Variants in FERMT2 observed in about 807,000 individuals in gnomAD.
FERMT2 encodes fermitin family homolog 2.
In FERMT2, 15 loss-of-function variants were observed where a neutral mutation model predicts 82.7. That is an observed-to-expected ratio of 0.18 (90% CI 0.12 to 0.28). FERMT2 has a LOEUF of 0.28. FERMT2 is among the 10% of genes least tolerant of loss of function. The pLI is 1.00. For synonymous variants in FERMT2, 274 were observed against 271.5 expected, an observed-to-expected ratio of 1.01 and a Z score of -0.09; for missense variants, 645 against 809.4, an observed-to-expected ratio of 0.80 and a Z score of 2.46.
At chr14:52,949,375 G>A (rs1249104450) in intron 2 of FERMT2, among the ~76,000 whole-genome samples, 3 of 124,418 alleles carry the variant, frequency 2.4e-5, no homozygotes, top group Non-Finnish European at 5.0e-5. Context: ...CGAATGCTGT[G>A]TTTAAAAAAA....
At chr14:52,866,609 T>C (rs1885295793) in intron 10 of FERMT2, among the ~76,000 whole-genome samples, 1 of 152,226 alleles carries the variant, frequency 6.6e-6, no homozygotes, top group Non-Finnish European at 1.5e-5. Flanking sequence ...AAGGTTTCAC[T>C]ACAGATTCAT....
intron 6 of FERMT2, among the ~76,000 whole-genome samples, chr14:52,880,047 G>C (rs1477230484): frequency 6.6e-6 from 1 of 152,130 alleles, no homozygotes; most frequent in Non-Finnish European, 1.5e-5. Context: ...GATGGCTTCA[G>C]CCCAGGAGTT....
Position 52,911,479 on chromosome 14 carries a change from G to A in FERMT2, c.391+7644C>T, listed in dbSNP as rs553437421. ...ATCCTGGCTAACATGGTGAAAACCCGTCTCTACTAAATAAACAAAAAATTA... is the reference window on the plus strand; with the variant it reads ...ATCCTGGCTAACATGGTGAAAACCCATCTCTACTAAATAAACAAAAAATTA... On this transcript the variant is annotated intron_variant, in intron 3 of 14. Transcript: ENST00000341590. Among the ~76,000 whole-genome samples the A allele has an allele frequency of 7.9e-5, 12 of 151,930 alleles. No individual in the cohort carries two copies. The South Asian group carries it at 1.5e-3, about 18-fold the overall frequency.
chr14:52,870,905 A>C (rs1460994401), intron 10 of FERMT2, among the ~76,000 whole-genome samples: 3 of 152,220 alleles, frequency 2.0e-5, no homozygotes, highest in African/African-American at 4.8e-5. Context: ...TTTTTGTGAA[A>C]TCAGTCTGGA....
intron 3 of FERMT2, among the ~76,000 whole-genome samples, chr14:52,910,256 T>C (rs763094263): frequency 3.3e-5 from 5 of 152,174 alleles, no homozygotes; most frequent in Admixed American, 6.5e-5. Context: ...CCCTATCAAA[T>C]AGATTCTTCT....
chr14:52,893,167 A>G, intron 4 of FERMT2, 126 bp downstream of exon 4: 2 of 784,420 alleles, frequency 2.5e-6, no homozygotes, highest in South Asian at 2.7e-5. Context: ...TGGCTAATTG[A>G]AGTTTTTGTT....
chr14:52,947,177 C>T (rs1890394895), intron 2 of FERMT2, among the ~76,000 whole-genome samples: 2 of 152,138 alleles, frequency 1.3e-5, no homozygotes, highest in Admixed American at 1.3e-4. Context: ...GTGTTTTATA[C>T]TGAGATTTAA....
chr14:52,858,206 G>A lies in FERMT2; in HGVS notation c.*171C>T, dbSNP rs973002292. On this transcript the variant is annotated 3_prime_UTR_variant, in exon 15 of 15. Transcript: ENST00000341590. ...AAGTTTATTATATCATAACATGATA[G>A]ATTAATAGTCGTGCTTGTTTAGTGC... is the stretch of plus-strand genomic sequence containing the variant. The A allele has an allele frequency of 1.7e-6, 1 of 587,846 alleles. No individual in the cohort carries two copies. The highest frequency in any genetic ancestry group is 3.0e-6 in the Non-Finnish European group (1 of 331,854). 36.4% of individuals were successfully genotyped at this position (587,846 alleles called of 1,614,324 possible).
rs1472676726 is a variant in FERMT2, at chr14:52,857,713, T to C, written c.*664A>G. 1.3e-5 allele frequency: 2 copies of C among 152,516 alleles called. No homozygotes were observed. Among genetic ancestry groups the C allele is most frequent in the East Asian group, 1.9e-4 (1 of 5,200 alleles). The allele number at this position is 152,516 out of a possible 1,614,324, so 9.4% of individuals were successfully genotyped here. On this transcript the variant is annotated 3_prime_UTR_variant, in exon 15 of 15. Transcript: ENST00000341590. ...TTACTTCATATTGTAATGCAAAGAG[T>C]TGCATATTTTAGGCAGACAGTGATT...
At chr14:52,902,887 A>AAAAAAAAAAAAAAAAC (rs1417117125) in intron 3 of FERMT2, among the ~76,000 whole-genome samples, 13 of 139,518 alleles carry the variant, frequency 9.3e-5, no homozygotes, top group African/African-American at 3.2e-4. Flanking sequence ...AAAAAAAAAA[A>AAAAAAAAAAAAAAAAC]AAAACCCCAA....
chr14:52,863,346 G>A (rs1391475772), intron 12 of FERMT2: 2 of 152,106 alleles, frequency 1.3e-5, no homozygotes, highest in Non-Finnish European at 2.9e-5. Context: ...ATTTCATTGA[G>A]CCTTTTTAGT....
At chr14:52,895,003 T>C (rs1000050095) in intron 3 of FERMT2, among the ~76,000 whole-genome samples, 3 of 151,974 alleles carry the variant, frequency 2.0e-5, no homozygotes, top group African/African-American at 7.2e-5. Flanking sequence ...GACAAAAGTC[T>C]TGTATTCTGA....
At chr14:52,895,552 A>C (rs1234022345) in intron 3 of FERMT2, among the ~76,000 whole-genome samples, 2 of 152,242 alleles carry the variant, frequency 1.3e-5, no homozygotes, top group African/African-American at 4.8e-5. Context: ...TCTCAAATTT[A>C]TTATATTAAG....
chr14:52,940,367 T>C (rs1470826773), intron 2 of FERMT2, among the ~76,000 whole-genome samples: 1 of 152,214 alleles, frequency 6.6e-6, no homozygotes, highest in Non-Finnish European at 1.5e-5. Flanking sequence ...TTAATGAAGT[T>C]GAGAGAAAAT....
At chr14:52,860,311 G>T (rs1423179677) in intron 13 of FERMT2, 30 bp downstream of exon 13, 1 of 1,608,744 alleles carries the variant, frequency 6.2e-7, no homozygotes, top group Non-Finnish European at 8.5e-7. Context: ...GCAGATTAAG[G>T]TTTACACATA....
rs148825365 is a variant in FERMT2, at chr14:52,912,830, C to T, written c.391+6293G>A. Among the ~76,000 whole-genome samples the T allele has an allele frequency of 9.2e-5, 14 of 152,204 alleles. No homozygotes were observed. The East Asian group carries it at 1.7e-3, about 19-fold the overall frequency. On this transcript the variant is annotated intron_variant, in intron 3 of 14. Transcript: ENST00000341590. ...TGGCCATAGATCATTACTTTCCATT[C>T]GATCCCAGTGATAGGATTAACTGAT... is the stretch of plus-strand genomic sequence containing the variant.
chr14:52,939,731 G>A (rs1298662774), intron 2 of FERMT2, among the ~76,000 whole-genome samples: 1 of 152,094 alleles, frequency 6.6e-6, no homozygotes, highest in African/African-American at 2.4e-5. Context: ...CCATACCAAG[G>A]GCATTCCATC....
chr14:52,865,524 G>GT (rs1271134947), intron 10 of FERMT2, among the ~76,000 whole-genome samples: 3 of 152,106 alleles, frequency 2.0e-5, no homozygotes, highest in African/African-American at 7.2e-5. Context: ...TTTAACTTCT[G>GT]TAAGTCGACA....
At chr14:52,923,934 G>A (rs1203577298) in intron 2 of FERMT2, among the ~76,000 whole-genome samples, 2 of 152,198 alleles carry the variant, frequency 1.3e-5, no homozygotes, top group Non-Finnish European at 2.9e-5. Flanking sequence ...AGATGGGTAA[G>A]CTGGACTGTG....
Sources: gnomAD v4.1 joint callset for allele counts (sites outside exome capture counted in the v4.1 genomes callset) on GRCh38, gnomAD v4.1.1 for gene constraint, MANE v1.5 for transcripts, NCBI Gene and HGNC (gene_info 2026-07-23, HGNC 2026-07-21) for gene names.